The following POLR1A variants were observed in gnomAD, a reference collection of about 807,000 sequenced individuals.
POLR1A encodes the protein RNA polymerase I subunit A, also known as DNA-directed RNA polymerase I subunit RPA1.
In POLR1A, 84 loss-of-function variants were observed where a neutral mutation model predicts 205.3. The ratio of observed to expected loss-of-function variants is 0.41; its 90% CI spans 0.34 to 0.49. The LOEUF (loss-of-function observed/expected upper bound fraction) is 0.49. Among genes scored for constraint, POLR1A ranks in the 20% least tolerant of loss-of-function variants. POLR1A has a pLI of 0.22. For synonymous variants in POLR1A, 799 were observed against 863.7 expected (o/e 0.93, Z 1.31); for missense variants, 1,645 against 2,204.5 (o/e 0.75, Z 5.08).
chr2:86,085,575 T>A (rs1176357413), intron 6 of POLR1A, among the ~76,000 whole-genome samples: 1 of 152,162 alleles, frequency 6.6e-6, no homozygotes, highest in East Asian at 1.9e-4. Context: ...ACTAAATAGG[T>A]TGGAAATGCT....
chr2:86,040,268 G>T, intron 25 of POLR1A, 124 bp downstream of exon 25: 1 of 777,096 alleles, frequency 1.3e-6, no homozygotes, highest in Non-Finnish European at 1.9e-6. Flanking sequence ...ATGAGACCCT[G>T]TCCCTCTCTC....
At chr2:86,050,472 C>T (rs561701878) in intron 16 of POLR1A, among the ~76,000 whole-genome samples, 1 of 152,164 alleles carries the variant, frequency 6.6e-6, no homozygotes, top group Non-Finnish European at 1.5e-5. Flanking sequence ...CTAGCTGTGC[C>T]CTTTATGGAC....
chr2:86,041,240 AGTGTCT>A (rs1672599919), intron 24 of POLR1A, among the ~76,000 whole-genome samples: 1 of 106,540 alleles, frequency 9.4e-6, no homozygotes, highest in Non-Finnish European at 1.7e-5. Flanking sequence ...GCTGAGCTAC[AGTGTCT>A]GTGTGTGTGT....
intron 14 of POLR1A, among the ~76,000 whole-genome samples, chr2:86,060,492 G>A (rs1672974499): frequency 6.6e-6 from 1 of 152,164 alleles, no homozygotes; most frequent in South Asian, 2.1e-4. Flanking sequence ...ACAGTGTGCT[G>A]TTGGTGCAAT....
In POLR1A at chr2:86,098,711, G is replaced by A; in HGVS notation, c.332C>T (p.Thr111Ile). 2 of 1,614,006 alleles carry A rather than the reference G, an allele frequency of 1.2e-6. No individual in the cohort carries two copies. Among genetic ancestry groups the A allele is most frequent in the Non-Finnish European group, 1.7e-6 (2 of 1,179,976 alleles). The change falls in exon 3 of 34, where the codon ACT becomes ATT. Residue 111 changes from threonine to isoleucine, a missense_variant. By Grantham distance (89) the Thr-to-Ile change is moderately conservative (BLOSUM62 -1). This residue lies in a region of POLR1A where 330 missense variants were observed against 375.6 expected (regional missense o/e 0.88). Coordinates refer to ENST00000263857, the MANE Select transcript of POLR1A (RefSeq NM_015425.6). ...RGSCLNCHMLTCPRAVIHLLL... is the reference protein window; with the variant it reads ...RGSCLNCHMLICPRAVIHLLL... The stretch of plus-strand genomic sequence containing the variant: ...GAGGTGAATCACGGCCCGGGGACAA[G>A]TCAGCATGTGGCAGTTTAAACAAGA...
chr2:86,051,398 T>G (rs973875042), intron 16 of POLR1A, among the ~76,000 whole-genome samples: 2 of 152,050 alleles, frequency 1.3e-5, no homozygotes, highest in African/African-American at 4.8e-5. Flanking sequence ...TGATTAAATA[T>G]ATGATACAAT....
At position 86,065,311 on chromosome 2, in the gene POLR1A, G is replaced by A; in HGVS notation, c.2021C>T (p.Ser674Phe). 6.2e-7 allele frequency: 1 copy of A among 1,614,166 alleles called. No homozygotes were observed. The highest frequency in any genetic ancestry group is 8.5e-7 in the Non-Finnish European group (1 of 1,180,024). Residue 674 changes from serine (S) to phenylalanine (F), a missense_variant, in exon 14 of 34, where the codon TCC (serine) becomes TTC (phenylalanine). Coordinates refer to ENST00000263857, the MANE Select transcript of POLR1A (RefSeq NM_015425.6). ...CCACAGCGGAAAGGGCTTCAGGATG[G>A]AAGGAGAAAGGAGCTTCACGCGCCC... ...KVGRVKLLSPSILKPFPLWTG... is the reference protein window; with the variant it reads ...KVGRVKLLSPFILKPFPLWTG...
Position 86,043,126 on chromosome 2 carries a change from A to G in POLR1A, c.3205T>C (p.Phe1069Leu), listed in dbSNP as rs201178375. ...RADPKKALHH[F>L]RAIKKWQSKH... is the part of the protein sequence containing the mutation. ...CTTTGCCATTTTTTGATAGCTCTGA[A>G]GTGGTGGAGAGCTTTTTTGGGATCT... The change falls in exon 23 of 34, where the codon TTC (phenylalanine) becomes CTC (leucine). Residue 1069 changes from phenylalanine to leucine, a missense_variant. Coordinates refer to ENST00000263857, the MANE Select transcript of POLR1A (RefSeq NM_015425.6). 8.2e-5 allele frequency: 133 copies of G among 1,613,986 alleles called. No homozygotes were observed. The highest frequency in any genetic ancestry group is 1.0e-4 in the Non-Finnish European group (121 of 1,180,018).
At position 86,063,553 on chromosome 2, in the gene POLR1A, T is replaced by C. The variant is rs149164406; in HGVS notation, c.2058+1721A>G. ...CTGATACCAAAACCAAACAAACATA[T>C]TATAAGAAAATAAAACTACAGACCA... is the stretch of plus-strand genomic sequence containing the variant. On this transcript the variant is annotated intron_variant, in intron 14 of 33. Coordinates refer to ENST00000263857, the MANE Select transcript of POLR1A (RefSeq NM_015425.6). Among the ~76,000 whole-genome samples the C allele has an allele frequency of 7.0e-4, 107 of 151,930 alleles. No homozygotes were observed. In the East Asian group the frequency reaches 0.017, roughly 24 times the overall value.
chr2:86,069,605 G>C (rs897501578), intron 13 of POLR1A, among the ~76,000 whole-genome samples: 1 of 152,210 alleles, frequency 6.6e-6, no homozygotes, highest in Admixed American at 6.5e-5. Flanking sequence ...CTTGGGGTTA[G>C]GCTGCTTCTT....
rs1673167165 is a variant in POLR1A, at chr2:86,070,945, A to C, written c.1612-673T>G. On this transcript the variant is annotated intron_variant, in intron 12 of 33. Transcript: ENST00000263857. The surrounding 1 kb of genome is among the most constrained non-coding windows in gnomAD (Gnocchi z 4.4). ...TTTCTGTTGGCTCTTCAAGAAAAAA[A>C]AAAGCACCCACACAAGGTTAGATGA... Among the ~76,000 whole-genome samples the C allele has an allele frequency of 6.6e-6, 1 of 152,156 alleles. No individual in the cohort carries two copies. The highest frequency in any genetic ancestry group is 6.5e-5 in the Admixed American group (1 of 15,280).
Position 86,070,700 on chromosome 2 carries a change from C to G in POLR1A, c.1612-428G>C, listed in dbSNP as rs901961733. On this transcript the variant is annotated intron_variant, in intron 12 of 33. Coordinates refer to ENST00000263857, the MANE Select transcript of POLR1A (RefSeq NM_015425.6). This position sits in a 1 kb window ranked among gnomAD's most constrained non-coding sequence, Gnocchi z 4.4. Reference sequence around the variant, plus strand: ...GGCATTGGCAGACTTTCGAATCCCCCCCCCGCCGTGATCACATGTGAGTAC... The same window carrying G: ...GGCATTGGCAGACTTTCGAATCCCCGCCCCGCCGTGATCACATGTGAGTAC... 2.9e-4 allele frequency among the ~76,000 whole-genome samples: 31 copies of G among 108,172 alleles called. No individual in the cohort carries two copies. Among genetic ancestry groups the G allele is most frequent in the African/African-American group, 5.8e-4 (15 of 25,870 alleles). The allele number at this position is 108,172 out of a possible 152,430, so 71.0% of individuals were successfully genotyped here.
chr2:86,084,604 C>T (rs988157891), intron 6 of POLR1A, among the ~76,000 whole-genome samples: 12 of 151,764 alleles, frequency 7.9e-5, no homozygotes, highest in East Asian at 1.9e-4. Context: ...TAAGAGTATA[C>T]GGCTCAAATA....
At chr2:86,068,087 G>A (rs1673112705) in intron 13 of POLR1A, among the ~76,000 whole-genome samples, 1 of 152,182 alleles carries the variant, frequency 6.6e-6, no homozygotes, top group Non-Finnish European at 1.5e-5. Context: ...ATGTAAGCAT[G>A]AAGTCTCCTA....
intron 18 of POLR1A, among the ~76,000 whole-genome samples, 197 bp downstream of exon 18, chr2:86,048,687 A>G (rs886367220): frequency 1.3e-5 from 2 of 152,274 alleles, no homozygotes; most frequent in Non-Finnish European, 2.9e-5. Flanking sequence ...AGGCCTGTAT[A>G]GACCCTAACT....
At chr2:86,034,410 G>A (rs1200585265) in intron 27 of POLR1A, among the ~76,000 whole-genome samples, 4 of 152,220 alleles carry the variant, frequency 2.6e-5, no homozygotes, top group African/African-American at 9.6e-5. Flanking sequence ...GAAGGGCAGA[G>A]ATAACTTAGC....
rs371664576 is a variant in POLR1A, at chr2:86,088,858, A to G, written c.553T>C (p.Cys185Arg). 37 of 1,613,074 alleles carry G rather than the reference A, an allele frequency of 2.3e-5. No homozygotes were observed. The highest frequency in any genetic ancestry group is 3.0e-5 in the Non-Finnish European group (35 of 1,179,154). Residue 185 changes from cysteine (C) to arginine (R), a missense_variant, in exon 5 of 34, where the codon TGT becomes CGT. Around this residue, in one of 16 missense-constraint regions of POLR1A, gnomAD observed 330 missense variants for 375.6 expected, o/e 0.88. Transcript: ENST00000263857. Reference protein sequence around the residue: ...GSQGAHVKNVCESKSKLIALF... With the variant: ...GSQGAHVKNVRESKSKLIALF... The stretch of plus-strand genomic sequence containing the variant: ...GCAATGAGCTTGCTCTTGCTCTCAC[A>G]CACGTTCTTTACCTGTTTTTTTAAA...
chr2:86,101,612 C>A (rs1432479554), intron 1 of POLR1A, among the ~76,000 whole-genome samples: 1 of 152,130 alleles, frequency 6.6e-6, no homozygotes, highest in African/African-American at 2.4e-5. Flanking sequence ...AAATTACTTA[C>A]CTTTTGTTCT....
intron 8 of POLR1A, 36 bp from the exon 9 acceptor site, chr2:86,081,014 T>G (rs1353608798): frequency 6.3e-7 from 1 of 1,579,110 alleles, no homozygotes; most frequent in East Asian, 2.2e-5. Flanking sequence ...GAATGTTTAG[T>G]GTGAGGAAAG....
Sources: gnomAD v4.1 joint callset for allele counts (sites outside exome capture counted in the v4.1 genomes callset) on GRCh38, gnomAD v4.1.1 for gene constraint, gnomAD v4.1.1 regional missense constraint, Gnocchi (gnomAD v3.1) non-coding constraint, MANE v1.5 for transcripts, NCBI Gene and HGNC (gene_info 2026-07-23, HGNC 2026-07-21) for gene names.